GPR158: variants seen among roughly 807,000 people sequenced by gnomAD.
GPR158 encodes metabotropic glycine receptor.
In GPR158, 30 loss-of-function variants were observed where a neutral mutation model predicts 78.2. That is an observed-to-expected ratio of 0.38 (90% CI 0.29 to 0.52). The LOEUF (loss-of-function observed/expected upper bound fraction) is 0.52, where lower values mean the gene tolerates loss of function less well. Ranked by LOEUF, GPR158 falls within the 20% of genes least tolerant of loss-of-function variation. The pLI, the probability that GPR158 is intolerant of heterozygous loss-of-function variation, is 0.83. For synonymous variants in GPR158, 581 were observed against 591.1 expected, an observed-to-expected ratio of 0.98 and a Z score of 0.25; for missense variants, 1,463 against 1,523.5, an observed-to-expected ratio of 0.96 and a Z score of 0.66.
chr10:25,372,330 C>A (rs1217938930), intron 2 of GPR158, among the ~76,000 whole-genome samples: 1 of 151,738 alleles, frequency 6.6e-6, no homozygotes, highest in Admixed American at 6.6e-5. Context: ...ACTAGAAATA[C>A]CATTTGACCC....
intron 7 of GPR158, among the ~76,000 whole-genome samples, chr10:25,574,083 G>A (rs1371012484): frequency 7.4e-6 from 1 of 134,366 alleles, no homozygotes; most frequent in African/African-American, 2.9e-5. Flanking sequence ...TAACCAGATA[G>A]GAAAAATCAT....
intron 4 of GPR158, among the ~76,000 whole-genome samples, chr10:25,433,569 G>A (rs562997319): frequency 1.4e-5 from 2 of 139,748 alleles, no homozygotes; most frequent in African/African-American, 5.2e-5. Context: ...GTGTGTGTGT[G>A]TGCGCGCGCG....
intron 3 of GPR158, among the ~76,000 whole-genome samples, chr10:25,396,383 T>C (rs1278325683): frequency 6.6e-6 from 1 of 152,162 alleles, no homozygotes; most frequent in Non-Finnish European, 1.5e-5. Context: ...TAATGCTGCA[T>C]AAAAAGTTAC....
intron 2 of GPR158, among the ~76,000 whole-genome samples, chr10:25,387,516 A>ATTTTTT (rs57404980): frequency 2.8e-4 from 40 of 140,496 alleles, no homozygotes; most frequent in African/African-American, 5.5e-4. Context: ...TTCTCTTCAA[A>ATTTTTT]TTTTTTTTTT....
At chr10:25,204,776 C>T (rs993458183) in intron 1 of GPR158, among the ~76,000 whole-genome samples, 2 of 147,128 alleles carry the variant, frequency 1.4e-5, no homozygotes, top group African/African-American at 5.0e-5. Context: ...AAATAAGTTT[C>T]CTAGTTTGTG....
chr10:25,334,098 A>G (rs967419352), intron 2 of GPR158, among the ~76,000 whole-genome samples: 1 of 152,156 alleles, frequency 6.6e-6, no homozygotes, highest in Non-Finnish European at 1.5e-5. Context: ...GTGATATCCT[A>G]CTAGAAATCA....
chr10:25,278,640 C>T (rs7094564), intron 2 of GPR158, among the ~76,000 whole-genome samples: 15,287 of 151,182 alleles, frequency 0.1, 1,014 homozygotes, highest in East Asian at 0.31. Flanking sequence ...ATAATAAAAA[C>T]GAAGAGAAAA....
chr10:25,557,345 T>C (rs535976919), intron 6 of GPR158, among the ~76,000 whole-genome samples: 3 of 152,238 alleles, frequency 2.0e-5, no homozygotes, highest in Non-Finnish European at 4.4e-5. Context: ...CTTGGCATAC[T>C]TGCAGTCTGT....
intron 4 of GPR158, among the ~76,000 whole-genome samples, chr10:25,423,914 T>A (rs1293887887): frequency 6.6e-6 from 1 of 152,246 alleles, no homozygotes; most frequent in African/African-American, 2.4e-5. Context: ...ATGGGATTGC[T>A]GGGTCAAATG....
At chr10:25,243,548 A>G (rs1314238467) in intron 2 of GPR158, among the ~76,000 whole-genome samples, 2 of 152,118 alleles carry the variant, frequency 1.3e-5, no homozygotes, top group Non-Finnish European at 2.9e-5. Context: ...ACTTTCAAGC[A>G]TTTTTCCAAA....
At chr10:25,200,856 G>GTTTTTTTTTT (rs764033840) in intron 1 of GPR158, among the ~76,000 whole-genome samples, 1 of 115,412 alleles carries the variant, frequency 8.7e-6, no homozygotes, top group Non-Finnish European at 1.8e-5. Flanking sequence ...CTATGTATCT[G>GTTTTTTTTTT]TTTTTTGTTT....
rs113355072 is a variant in GPR158, at chr10:25,489,698, G to A, written c.1404+22979G>A. The stretch of plus-strand genomic sequence containing the variant: ...TTAGACTGCTGCCTTCCCTTCAGTC[G>A]CCTCCTTCATGTGTTCCCACTGCAA... On this transcript the variant is annotated intron_variant, in intron 5 of 10. Transcript: ENST00000376351. Among the ~76,000 whole-genome samples the A allele has an allele frequency of 5.8e-3, 884 of 152,078 alleles. 1 individual carries two copies. The highest frequency in any genetic ancestry group is 9.4e-3 in the Non-Finnish European group (637 of 67,984).
intron 3 of GPR158, among the ~76,000 whole-genome samples, chr10:25,404,547 G>A (rs764420969): frequency 1.5e-4 from 23 of 152,032 alleles, no homozygotes; most frequent in Non-Finnish European, 4.4e-5. Context: ...TAATTCAGTA[G>A]ATAGAATACC....
chr10:25,560,250 ATATTTTTATTTTTCATTT>A (rs1209788055), intron 6 of GPR158, among the ~76,000 whole-genome samples: 1 of 152,122 alleles, frequency 6.6e-6, no homozygotes, highest in Non-Finnish European at 1.5e-5. Flanking sequence ...ATTTTTTAAA[ATATTTTTATTTTTCATTT>A]TATTTTTATT....
rs553104458 is a variant in GPR158, at chr10:25,600,697, A to C, written c.*1423A>C. Reference sequence around the variant, plus strand: ...ACCTATAAGGTGGTATGGAATCTTCATTCTCCCAAGCACTGGAAAATGTCT... The same window carrying C: ...ACCTATAAGGTGGTATGGAATCTTCCTTCTCCCAAGCACTGGAAAATGTCT... On this transcript the variant is annotated 3_prime_UTR_variant, in exon 11 of 11. Coordinates refer to ENST00000376351, the MANE Select transcript of GPR158 (RefSeq NM_020752.3). 4 of 152,582 alleles carry C rather than the reference A, an allele frequency of 2.6e-5. No homozygotes were observed. The South Asian group carries it at 8.3e-4, about 32-fold the overall frequency. 9.5% of individuals were successfully genotyped at this position (152,582 alleles called of 1,614,324 possible).
chr10:25,296,689 G>C (rs1854520338), intron 2 of GPR158, among the ~76,000 whole-genome samples: 2 of 151,748 alleles, frequency 1.3e-5, no homozygotes, highest in South Asian at 4.2e-4. Context: ...GATTCTAAGT[G>C]CTTTACAAGT....
intron 5 of GPR158, among the ~76,000 whole-genome samples, chr10:25,536,721 C>T (rs916771353): frequency 6.6e-6 from 1 of 152,092 alleles, no homozygotes; most frequent in African/African-American, 2.4e-5. Context: ...CTTTATCTTT[C>T]CATTATATGC....
At chr10:25,372,583 C>T (rs6482473) in intron 2 of GPR158, among the ~76,000 whole-genome samples, 91,185 of 143,052 alleles carry the variant, frequency 0.64, 30,057 homozygotes, top group Non-Finnish European at 0.72. Flanking sequence ...TTGGAAATCA[C>T]CATTCTCAGT....
chr10:25,386,594 GTCAC>G (rs1834225364), intron 2 of GPR158, among the ~76,000 whole-genome samples: 1 of 85,158 alleles, frequency 1.2e-5, no homozygotes, highest in Admixed American at 9.7e-5. Context: ...GGATGTCACT[GTCAC>G]TTATTTATGT....
Sources: allele counts gnomAD v4.1 joint callset (sites outside exome capture counted in the v4.1 genomes callset), GRCh38; gene constraint gnomAD v4.1.1; transcripts MANE v1.5; gene names NCBI Gene and HGNC (gene_info 2026-07-23, HGNC 2026-07-21).